REEP1: variants seen among roughly 807,000 people sequenced by gnomAD.
REEP1 encodes the protein receptor expression-enhancing protein 1.
REEP1 carries 22 observed loss-of-function variants against 40.3 expected under a neutral mutation model. That is an observed-to-expected ratio of 0.55 (90% CI 0.39 to 0.78). The LOEUF (loss-of-function observed/expected upper bound fraction) is 0.78, where lower values mean the gene tolerates loss of function less well. Ranked by LOEUF, REEP1 falls within the 30% of genes least tolerant of loss-of-function variation. REEP1 has a pLI of 0.00. For synonymous variants in REEP1, 116 were observed against 139.2 expected (o/e 0.83, Z 1.17); for missense variants, 280 against 361.1 (o/e 0.78, Z 1.82).
intron 1 of REEP1, among the ~76,000 whole-genome samples, chr2:86,310,429 G>A (rs1679705468): frequency 6.6e-6 from 1 of 152,178 alleles, no homozygotes; most frequent in Admixed American, 6.5e-5. Context: ...GCCATACCAT[G>A]TAGCCTAGAT....
chr2:86,298,574 C>T (rs986731073), intron 1 of REEP1, among the ~76,000 whole-genome samples: 1 of 152,232 alleles, frequency 6.6e-6, no homozygotes, highest in South Asian at 2.1e-4. Flanking sequence ...TGCCTGCAGT[C>T]GGACCCAGGT....
intron 5 of REEP1, among the ~76,000 whole-genome samples, chr2:86,237,963 C>T (rs892710323): frequency 2.0e-5 from 3 of 152,116 alleles, no homozygotes; most frequent in South Asian, 4.1e-4. Flanking sequence ...GAGTGGATCA[C>T]CTGAGGTCGG....
chr2:86,306,651 G>A (rs367851577), intron 1 of REEP1, among the ~76,000 whole-genome samples: 3 of 152,286 alleles, frequency 2.0e-5, no homozygotes, highest in East Asian at 3.9e-4. Context: ...TCTGATGAGC[G>A]TTATCTGATC....
At chr2:86,238,062 T>A (rs543028423) in intron 5 of REEP1, among the ~76,000 whole-genome samples, 11 of 152,004 alleles carry the variant, frequency 7.2e-5, no homozygotes, top group Non-Finnish European at 8.8e-5. Flanking sequence ...ATGCCTATAA[T>A]CCCAGCTACT....
At chr2:86,220,197 GCAAGGTTAGGCACACAGCA>G in intron 7 of REEP1, 76 bp from the exon 8 acceptor site, 3 of 1,017,832 alleles carry the variant, frequency 2.9e-6, no homozygotes, top group Non-Finnish European at 3.8e-6. Flanking sequence ...GCAGGGAAGG[GCAAGGTTAGGCACACAGCA>G]CAGCAAACCA....
chr2:86,305,419 T>G (rs1476329952), intron 1 of REEP1, among the ~76,000 whole-genome samples: 5 of 152,206 alleles, frequency 3.3e-5, no homozygotes, highest in Non-Finnish European at 7.3e-5. Context: ...AGCATCCACA[T>G]CAGCCCAGCT....
intron 1 of REEP1, among the ~76,000 whole-genome samples, chr2:86,312,528 G>A (rs914540400): frequency 4.6e-5 from 7 of 152,220 alleles, no homozygotes; most frequent in Non-Finnish European, 8.8e-5. Flanking sequence ...TTTGCTTCAC[G>A]GCTCTAATAT....
intron 5 of REEP1, among the ~76,000 whole-genome samples, chr2:86,235,663 C>T (rs1445287966): frequency 6.6e-6 from 1 of 152,182 alleles, no homozygotes; most frequent in Admixed American, 6.5e-5. Context: ...TGCTCATTGT[C>T]GCTCAGCAAC....
chr2:86,220,129 T>A lies in REEP1; in HGVS notation c.632-8A>T. 2 of 1,229,566 alleles carry A rather than the reference T, an allele frequency of 1.6e-6. No individual in the cohort carries two copies. Among genetic ancestry groups the A allele is most frequent in the Non-Finnish European group, 2.0e-6 (2 of 986,922 alleles). The allele number at this position is 1,229,566 out of a possible 1,614,324, so 76.2% of individuals were successfully genotyped here. A position where few individuals can be genotyped will look rare whatever the true frequency, so the allele number is the denominator to read the frequency against. ...TCACATCTCCCTCAACCACTTAATG[T>A]CCATTTACAATCTACACAGATGAGA... is the stretch of plus-strand genomic sequence containing the variant. On this transcript the variant is annotated splice_region_variant and splice_polypyrimidine_tract_variant and intron_variant, in intron 7 of 8. Coordinates refer to ENST00000538924, the MANE Select transcript of REEP1 (RefSeq NM_001371279.1).
At chr2:86,288,032 A>ATTATTATTTTTTTTTTTTTTTTTTTTT (rs1558916454) in intron 1 of REEP1, among the ~76,000 whole-genome samples, 2 of 149,752 alleles carry the variant, frequency 1.3e-5, no homozygotes, top group African/African-American at 5.1e-5. Flanking sequence ...TATTTTTATT[A>ATTATTATTTTTTTTTTTTTTTTTTTTT]TTTTTTTGAG....
intron 1 of REEP1, among the ~76,000 whole-genome samples, chr2:86,334,140 A>G (rs979093631): frequency 2.6e-5 from 4 of 152,240 alleles, no homozygotes; most frequent in African/African-American, 9.6e-5. Context: ...AAGCGGTTGT[A>G]AAGGGAAACA....
rs138787029 is a variant in REEP1, at chr2:86,216,916, C to G, written c.*123G>C. The G allele has an allele frequency of 1.3e-6, 1 of 753,598 alleles. No individual in the cohort carries two copies. The highest frequency in any genetic ancestry group is 1.6e-5 in the South Asian group (1 of 61,320). 46.7% of individuals were successfully genotyped at this position (753,598 alleles called of 1,614,324 possible). A position where few individuals can be genotyped will look rare whatever the true frequency, so the allele number is the denominator to read the frequency against. ...AAAGTGGAAGGGGAGAGAGAAAAGG[C>G]CATGTTTGTGAGGCTGCACACTCAA... On this transcript the variant is annotated 3_prime_UTR_variant, in exon 9 of 9. Coordinates refer to ENST00000538924, the MANE Select transcript of REEP1 (RefSeq NM_001371279.1).
At chr2:86,337,873 C>T (rs1681128895), upstream of REEP1, 2 of 863,010 alleles carry the variant, frequency 2.3e-6, no homozygotes, top group East Asian at 5.6e-5. This position sits in a 1 kb window ranked among gnomAD's most constrained non-coding sequence, Gnocchi z 5.8. Context: ...GCCCCGTTTG[C>T]AGGGCAGGGA....
intron 3 of REEP1, 106 bp downstream of exon 3, chr2:86,263,859 T>C (rs1409525611): frequency 1.2e-6 from 1 of 817,088 alleles, no homozygotes; most frequent in African/African-American, 1.7e-5. Flanking sequence ...CTTGCGTCTC[T>C]GGCCTGAGGT....
intron 6 of REEP1, among the ~76,000 whole-genome samples, chr2:86,232,267 T>G (rs1026368166): frequency 1.3e-5 from 2 of 152,186 alleles, no homozygotes; most frequent in South Asian, 4.1e-4. Context: ...CCCCGGAGTC[T>G]GAGAAGACAA....
chr2:86,259,374 ATTTTAT>A (rs1311087654), intron 3 of REEP1, among the ~76,000 whole-genome samples: 14 of 151,290 alleles, frequency 9.3e-5, no homozygotes, highest in Admixed American at 3.9e-4. Flanking sequence ...TGTATGTATT[ATTTTAT>A]TTTTATTTTT....
chr2:86,309,134 G>A (rs142201878), intron 1 of REEP1, among the ~76,000 whole-genome samples: 1 of 152,266 alleles, frequency 6.6e-6, no homozygotes, highest in African/African-American at 2.4e-5. Flanking sequence ...CTCGCTGTGG[G>A]GGAATTACAT....
chr2:86,294,808 G>T (rs984431515), intron 1 of REEP1, among the ~76,000 whole-genome samples: 1 of 152,120 alleles, frequency 6.6e-6, no homozygotes, highest in Non-Finnish European at 1.5e-5. Flanking sequence ...GAGATGGCTT[G>T]GTTATAAATA....
chr2:86,250,709 G>T (rs961273926), intron 5 of REEP1, among the ~76,000 whole-genome samples: 1 of 124,708 alleles, frequency 8.0e-6, no homozygotes, highest in Non-Finnish European at 1.9e-5. Context: ...TCTGAAAGAG[G>T]AATCATTCAT....
Sources: gnomAD v4.1 joint callset for allele counts (sites outside exome capture counted in the v4.1 genomes callset) on GRCh38, gnomAD v4.1.1 for gene constraint, Gnocchi (gnomAD v3.1) non-coding constraint, MANE v1.5 for transcripts, NCBI Gene and HGNC (gene_info 2026-07-23, HGNC 2026-07-21) for gene names.